BBX: variants seen among roughly 807,000 people sequenced by gnomAD.
The protein encoded by BBX is BBX high mobility group box domain containing, also known as HMG box transcription factor BBX.
Under a neutral mutation model 100.2 loss-of-function variants are expected in BBX, and 30 were observed. The observed-to-expected ratio is 0.30, with a 90% confidence interval of 0.22 to 0.41. The LOEUF (loss-of-function observed/expected upper bound fraction) is 0.41. BBX is among the 10% of genes least tolerant of loss of function. BBX has a pLI of 1.00. For missense variants in BBX, 1,023 were observed against 1,129.8 expected (o/e 0.91, Z 1.35); for synonymous variants, 376 against 388.1 (o/e 0.97, Z 0.37).
At chr3:107,716,049 A>G (rs2062079979) in intron 4 of BBX, among the ~76,000 whole-genome samples, 1 of 152,206 alleles carries the variant, frequency 6.6e-6, no homozygotes, top group Non-Finnish European at 1.5e-5. Context: ...TTGCAGAAAC[A>G]TTGAGTAGTC....
chr3:107,537,193 T>C (rs952363465), intron 2 of BBX, among the ~76,000 whole-genome samples: 3 of 152,234 alleles, frequency 2.0e-5, no homozygotes, highest in African/African-American at 7.2e-5. Context: ...TTCAGTCAGG[T>C]GTTTTGGACT....
chr3:107,734,324 G>C (rs531111889), intron 7 of BBX, among the ~76,000 whole-genome samples: 5 of 152,250 alleles, frequency 3.3e-5, no homozygotes, highest in African/African-American at 1.2e-4. Flanking sequence ...AAAATGCACT[G>C]GTAGTTACTT....
At position 107,773,055 on chromosome 3, in the gene BBX, A is replaced by G. The variant is rs2067032051; in HGVS notation, c.1334A>G (p.Asn445Ser). The stretch of plus-strand genomic sequence containing the variant: ...ATCATTGAGGATCCCGCAGCATTAA[A>G]CAAGCCAGAAAAGCTAAAAAAGAAA... ...IMIIEDPAAL[N>S]KPEKLKKKKK... The change falls in exon 11 of 18, where the codon AAC (asparagine) becomes AGC (serine). Residue 445 changes from asparagine (N) to serine (S), a missense_variant. Coordinates refer to ENST00000325805, the MANE Select transcript of BBX (RefSeq NM_001142568.3). The surrounding 1 kb of genome is among the most constrained non-coding windows in gnomAD (Gnocchi z 4.1). 6.2e-7 allele frequency: 1 copy of G among 1,613,900 alleles called. No individual in the cohort carries two copies. Among genetic ancestry groups the G allele is most frequent in the Non-Finnish European group, 8.5e-7 (1 of 1,179,978 alleles).
At position 107,636,289 on chromosome 3, in the gene BBX, A is replaced by G. The variant is rs557671536; in HGVS notation, c.-83-9547A>G. Among the ~76,000 whole-genome samples, 57 of 152,282 alleles carry G rather than the reference A, an allele frequency of 3.7e-4. 1 individual carries two copies. The highest frequency in any genetic ancestry group is 3.9e-4 in the Admixed American group (6 of 15,296). ...TTTTCCCAAAATATATATACATTCA[A>G]GGTACATGGAATATTTTCCTAAAAA... On this transcript the variant is annotated intron_variant, in intron 2 of 17. Coordinates refer to ENST00000325805, the MANE Select transcript of BBX (RefSeq NM_001142568.3).
intron 2 of BBX, among the ~76,000 whole-genome samples, chr3:107,571,416 G>A (rs2051352609): frequency 6.6e-6 from 1 of 152,186 alleles, no homozygotes. Flanking sequence ...ACTGGCGCCG[G>A]AGTTTTGGGT....
At position 107,728,957 on chromosome 3, in the gene BBX, G is replaced by T; in HGVS notation, c.598G>T (p.Ala200Ser). Reference protein sequence around the residue: ...EEMPQLNFGMADPTQMGGLSM... With the variant: ...EEMPQLNFGMSDPTQMGGLSM... ...AATGCCTCAGCTTAACTTTGGAATG[G>T]CTGGTGAGTTGAGACACTATTTCCA... The change falls in exon 6 of 18, where the codon GCT becomes TCT. Residue 200 changes from alanine (A) to serine (S), a missense_variant. By Grantham distance (99) the Ala-to-Ser change is moderately conservative. Coordinates refer to ENST00000325805, the MANE Select transcript of BBX (RefSeq NM_001142568.3). The T allele has an allele frequency of 6.2e-7, 1 of 1,612,996 alleles. No homozygotes were observed. The highest frequency in any genetic ancestry group is 8.5e-7 in the Non-Finnish European group (1 of 1,179,450).
intron 5 of BBX, among the ~76,000 whole-genome samples, chr3:107,724,885 A>C (rs561067803): frequency 3.9e-5 from 6 of 152,300 alleles, no homozygotes; most frequent in African/African-American, 1.2e-4. Flanking sequence ...TGACTTGGCA[A>C]TGCGGGTTCC....
rs1214619255 is a variant in BBX at position 107,805,637 on chromosome 3, A to G, written c.*180A>G. On this transcript the variant is annotated 3_prime_UTR_variant, in exon 18 of 18. Transcript: ENST00000325805. ...ATCCTGGGCCAGTTTGTTCTCTCAG[A>G]ACCCAGAATCTTTGAGGGTAAGGTT... The G allele has an allele frequency of 8.4e-7, 1 of 1,196,768 alleles. No homozygotes were observed. Among genetic ancestry groups the G allele is most frequent in the East Asian group, 2.6e-5 (1 of 38,980 alleles). 74.1% of individuals were successfully genotyped at this position (1,196,768 alleles called of 1,614,324 possible). A position where few individuals can be genotyped will look rare whatever the true frequency, so the allele number is the denominator to read the frequency against.
rs555502287 is a variant in BBX, at chr3:107,619,405, C to T, written c.-83-26431C>T. On this transcript the variant is annotated intron_variant, in intron 2 of 17. Transcript: ENST00000325805. ...TTACTTCCTCCATTGGTAATATAAT[C>T]GTCTTAAAAGCTTTCTTTAACACAT... Among the ~76,000 whole-genome samples, 5 of 152,078 alleles carry T rather than the reference C, an allele frequency of 3.3e-5. No individual in the cohort carries two copies. In the East Asian group the frequency reaches 9.6e-4, roughly 29 times the overall value.
chr3:107,616,575 T>G lies in BBX; in HGVS notation c.-83-29261T>G, dbSNP rs192304991. On this transcript the variant is annotated intron_variant, in intron 2 of 17. Coordinates refer to ENST00000325805, the MANE Select transcript of BBX (RefSeq NM_001142568.3). The stretch of plus-strand genomic sequence containing the variant: ...GCTATCGTTTTTTGTGTGTGTGTGT[T>G]TTTTTAAACAACTTAAGCTGTTTCA... Among the ~76,000 whole-genome samples, 88 of 152,244 alleles carry G rather than the reference T, an allele frequency of 5.8e-4. 1 individual carries two copies. The East Asian group carries it at 7.5e-3, about 13-fold the overall frequency.
intron 10 of BBX, among the ~76,000 whole-genome samples, chr3:107,758,398 G>A (rs1576662481): frequency 6.6e-6 from 1 of 152,172 alleles, no homozygotes; most frequent in East Asian, 1.9e-4. Context: ...CAAGGGTCAA[G>A]TGGATAAATA....
At chr3:107,724,237 TG>T (rs1192017518) in intron 5 of BBX, among the ~76,000 whole-genome samples, 1 of 152,156 alleles carries the variant, frequency 6.6e-6, no homozygotes, top group Non-Finnish European at 1.5e-5. Flanking sequence ...TCATATCCTT[TG>T]CCCACTTTTT....
chr3:107,565,558 C>T (rs1199632673), intron 2 of BBX, among the ~76,000 whole-genome samples: 1 of 151,504 alleles, frequency 6.6e-6, no homozygotes, highest in Non-Finnish European at 1.5e-5. Flanking sequence ...GCAACCTCTG[C>T]CTCCCAGGTT....
intron 2 of BBX, among the ~76,000 whole-genome samples, chr3:107,593,764 A>C (rs1379753841): frequency 1.3e-5 from 2 of 152,206 alleles, no homozygotes; most frequent in African/African-American, 4.8e-5. Context: ...TGGAAAAACA[A>C]AACAAAACGA....
intron 16 of BBX, among the ~76,000 whole-genome samples, chr3:107,800,571 A>G (rs887360862): frequency 2.6e-5 from 4 of 152,196 alleles, no homozygotes; most frequent in African/African-American, 4.8e-5. Context: ...TCTTCTCTCC[A>G]GTAGGTCTTT....
At chr3:107,710,718 C>A in intron 4 of BBX, 96 bp downstream of exon 4, 1 of 1,191,398 alleles carries the variant, frequency 8.4e-7, no homozygotes, top group Admixed American at 2.9e-5. Context: ...AAAAGTGTTT[C>A]CAAAAGCCTG....
rs370516010 is a variant in BBX, at chr3:107,613,130, C to G, written c.-83-32706C>G. ...GTGGTGAATGTTGCCAAGCCTGGGT[C>G]TTAGTCTGTAGGGCACTGGGCTCCC... On this transcript the variant is annotated intron_variant, in intron 2 of 17. Coordinates refer to ENST00000325805, the MANE Select transcript of BBX (RefSeq NM_001142568.3). Among the ~76,000 whole-genome samples the G allele has an allele frequency of 3.0e-4, 45 of 151,620 alleles. No individual in the cohort carries two copies. The South Asian group carries it at 9.0e-3, about 30-fold the overall frequency.
At chr3:107,787,928 C>T (rs1465460980) in intron 13 of BBX, among the ~76,000 whole-genome samples, 1 of 152,046 alleles carries the variant, frequency 6.6e-6, no homozygotes, top group Non-Finnish European at 1.5e-5. Flanking sequence ...TGCCAGGAGG[C>T]CCATGCAGCT....
intron 3 of BBX, among the ~76,000 whole-genome samples, chr3:107,658,811 G>A (rs1308647665): frequency 6.6e-6 from 1 of 152,114 alleles, no homozygotes; most frequent in East Asian, 1.9e-4. Flanking sequence ...AGAGAGAACT[G>A]AGTCTCAGAA....
Sources: allele counts gnomAD v4.1 joint callset (sites outside exome capture counted in the v4.1 genomes callset), GRCh38; gene constraint gnomAD v4.1.1; non-coding constraint Gnocchi (gnomAD v3.1); transcripts MANE v1.5; gene names NCBI Gene and HGNC (gene_info 2026-07-23, HGNC 2026-07-21).